RARB: variants seen among roughly 807,000 people sequenced by gnomAD.
RARB encodes HBV-activated protein.
RARB carries 17 observed loss-of-function variants against 51.9 expected under a neutral mutation model. The observed-to-expected ratio is 0.33, with a 90% CI of 0.22 to 0.49. The LOEUF (loss-of-function observed/expected upper bound fraction) is 0.49, where lower values mean the gene tolerates loss of function less well. Among genes scored for constraint, RARB ranks in the 20% least tolerant of loss-of-function variants. RARB has a pLI of 0.99. For missense variants in RARB, 369 were observed against 550.8 expected, an observed-to-expected ratio of 0.67 and a Z score of 3.30; for synonymous variants, 215 against 195.4, an observed-to-expected ratio of 1.10 and a Z score of -0.84.
At chr3:24,883,445 A>G (rs1009855580) in intron 2 of RARB, among the ~76,000 whole-genome samples, 2 of 151,620 alleles carry the variant, frequency 1.3e-5, no homozygotes, top group African/African-American at 4.8e-5. Flanking sequence ...GTGGTCTATG[A>G]AGCAAACAAA....
At chr3:25,119,684 A>C (rs865934860) in intron 3 of RARB, among the ~76,000 whole-genome samples, 14 of 152,118 alleles carry the variant, frequency 9.2e-5, no homozygotes, top group African/African-American at 3.4e-4. Flanking sequence ...AACAAAAAAA[A>C]CACTGCTCTT....
At chr3:25,069,832 A>T (rs1698733471) in intron 3 of RARB, among the ~76,000 whole-genome samples, 1 of 152,236 alleles carries the variant, frequency 6.6e-6, no homozygotes, top group Admixed American at 6.5e-5. Context: ...ACAGTACATT[A>T]TGTGGTGTGG....
chr3:25,103,208 T>C (rs193264087), intron 3 of RARB, among the ~76,000 whole-genome samples: 193 of 152,262 alleles, frequency 1.3e-3, no homozygotes, highest in Non-Finnish European at 2.4e-3. Flanking sequence ...CATTTTACCA[T>C]TGGCCAATGG....
In RARB at chr3:25,171,643, T is replaced by TAAAA. The variant is rs770248970; in HGVS notation, c.-279-2461_-279-2458dup. Among the ~76,000 whole-genome samples, 304 of 45,460 alleles carry TAAAA rather than the reference T, an allele frequency of 6.7e-3. 17 individuals carry two copies. Among genetic ancestry groups the TAAAA allele is most frequent in the African/African-American group, 0.023 (287 of 12,260 alleles). 29.8% of individuals were successfully genotyped at this position (45,460 alleles called of 152,430 possible). On this transcript the variant is annotated intron_variant, in intron 4 of 11. Coordinates refer to the RARB transcript ENST00000383772. ...TTTTTCCCAACCAGTCCCTGGTTGG[T>TAAAA]AAAAAAAAAAAAAAAAAACAGCTTT...
chr3:25,413,210 A>G (rs1381491841), intron 5 of RARB, among the ~76,000 whole-genome samples: 2 of 152,182 alleles, frequency 1.3e-5, no homozygotes, highest in East Asian at 1.9e-4. Context: ...TGAACTTCGT[A>G]TGAATAGAAT....
rs536816818 is a variant in RARB, at chr3:24,867,092, T to G, written c.-380+8340T>G. ...TAGGTTCTACAATAGTGATGTTATC[T>G]GTAGGAGTAATTGGGGAAGTTTATA... On this transcript the variant is annotated intron_variant, in intron 2 of 11. Transcript: ENST00000383772. Among the ~76,000 whole-genome samples the G allele has an allele frequency of 1.1e-4, 17 of 152,232 alleles. 1 individual carries two copies. In the South Asian group the frequency reaches 3.3e-3, roughly 30 times the overall value.
intron 2 of RARB, among the ~76,000 whole-genome samples, chr3:24,908,481 G>A (rs1012932854): frequency 6.6e-6 from 1 of 152,024 alleles, no homozygotes; most frequent in Non-Finnish European, 1.5e-5. Flanking sequence ...TCTTCTCCTT[G>A]ATAAGACTAA....
chr3:25,186,585 A>T (rs2125360619), intron 5 of RARB, among the ~76,000 whole-genome samples: 1 of 152,258 alleles, frequency 6.6e-6, no homozygotes, highest in Non-Finnish European at 1.5e-5. Flanking sequence ...ACTAAATTGA[A>T]TATTATTCAT....
At chr3:25,237,934 G>A (rs1420875277) in intron 5 of RARB, among the ~76,000 whole-genome samples, 2 of 151,930 alleles carry the variant, frequency 1.3e-5, no homozygotes, top group Non-Finnish European at 2.9e-5. Context: ...GAGTACATGT[G>A]ATACTTTGTT....
At chr3:24,970,574 A>ACACACACACACAC (rs1696374396) in intron 2 of RARB, among the ~76,000 whole-genome samples, 1 of 148,760 alleles carries the variant, frequency 6.7e-6, no homozygotes, top group Non-Finnish European at 1.5e-5. Context: ...AAGTCATGTA[A>ACACACACACACAC]ACACACACAC....
At chr3:24,971,065 G>C (rs554645653) in intron 2 of RARB, among the ~76,000 whole-genome samples, 4 of 152,002 alleles carry the variant, frequency 2.6e-5, no homozygotes, top group African/African-American at 9.6e-5. Context: ...CAGTACAGGA[G>C]ACATGGATAT....
chr3:25,482,487 T>C (rs1696268262), intron 2 of RARB, among the ~76,000 whole-genome samples: 1 of 150,236 alleles, frequency 6.7e-6, no homozygotes, highest in Non-Finnish European at 1.5e-5. Context: ...CAAATGCAAG[T>C]TACACATGTA....
intron 4 of RARB, among the ~76,000 whole-genome samples, chr3:25,573,908 G>C (rs1215357168): frequency 2.0e-5 from 3 of 152,164 alleles, no homozygotes; most frequent in Admixed American, 6.5e-5. Flanking sequence ...GGAGACCGCA[G>C]GAATGGCTGG....
At chr3:25,144,050 C>A (rs1054098027) in intron 4 of RARB, among the ~76,000 whole-genome samples, 2 of 152,198 alleles carry the variant, frequency 1.3e-5, no homozygotes, top group African/African-American at 4.8e-5. Flanking sequence ...TTATGGGAAT[C>A]AATTTGCATT....
chr3:25,415,934 AG>A (rs1359973184), intron 5 of RARB, among the ~76,000 whole-genome samples: 3 of 152,240 alleles, frequency 2.0e-5, no homozygotes, highest in African/African-American at 7.2e-5. Context: ...TACAGTAAAA[AG>A]TAGATACATG....
At chr3:24,860,977 C>T (rs191289886) in intron 2 of RARB, among the ~76,000 whole-genome samples, 11 of 152,272 alleles carry the variant, frequency 7.2e-5, no homozygotes, top group Admixed American at 3.3e-4. Flanking sequence ...GAAACTCACA[C>T]AATGACAAAA....
chr3:25,004,519 C>T (rs1697229510), intron 2 of RARB, among the ~76,000 whole-genome samples: 1 of 152,120 alleles, frequency 6.6e-6, no homozygotes, highest in African/African-American at 2.4e-5. Context: ...GCCATGATAA[C>T]AGCATTAATT....
intron 5 of RARB, among the ~76,000 whole-genome samples, chr3:25,183,382 T>G (rs1000105162): frequency 1.3e-5 from 2 of 152,148 alleles, no homozygotes; most frequent in Non-Finnish European, 2.9e-5. Context: ...TTTCTCTTCC[T>G]CTGATTTTCA....
At chr3:25,163,688 T>C (rs1700512646) in intron 4 of RARB, among the ~76,000 whole-genome samples, 1 of 152,010 alleles carries the variant, frequency 6.6e-6, no homozygotes. Flanking sequence ...GATGGACTCA[T>C]TGAGTCAAGG....
Sources: allele counts gnomAD v4.1 joint callset (sites outside exome capture counted in the v4.1 genomes callset), GRCh38; gene constraint gnomAD v4.1.1; transcripts MANE v1.5; gene names NCBI Gene and HGNC (gene_info 2026-07-23, HGNC 2026-07-21).